Variants in CADM2 observed in about 807,000 individuals in gnomAD.
CADM2 encodes immunoglobulin superfamily member 4D.
Under a neutral mutation model 49.8 loss-of-function variants are expected in CADM2, and 12 were observed. The ratio of observed to expected loss-of-function variants is 0.24; its 90% confidence interval spans 0.15 to 0.39. The LOEUF is 0.39. Ranked by LOEUF, CADM2 falls within the 10% of genes least tolerant of loss-of-function variation. The pLI is 1.00. For synonymous variants in CADM2, 214 were observed against 175.4 expected (o/e 1.22, Z -1.74); for missense variants, 378 against 492.3 (o/e 0.77, Z 2.20).
At chr3:84,961,335 TTG>T (rs1343185849) in intron 1 of CADM2, among the ~76,000 whole-genome samples, 1 of 152,210 alleles carries the variant, frequency 6.6e-6, no homozygotes, top group East Asian at 1.9e-4. Context: ...CTAACTGACC[TTG>T]TAGAGATCTT....
intron 2 of CADM2, among the ~76,000 whole-genome samples, chr3:85,796,333 C>A (rs1577329193): frequency 6.6e-6 from 1 of 152,068 alleles, no homozygotes; most frequent in Non-Finnish European, 1.5e-5. Context: ...ATCATGTTTT[C>A]TCTGATGTGG....
At chr3:85,375,025 A>G (rs1446470566) in intron 1 of CADM2, among the ~76,000 whole-genome samples, 1 of 152,170 alleles carries the variant, frequency 6.6e-6, no homozygotes, top group Non-Finnish European at 1.5e-5. Context: ...CACACACTTC[A>G]ATCATTTATT....
chr3:85,809,544 T>C (rs1056411677), intron 3 of CADM2, among the ~76,000 whole-genome samples: 2 of 151,958 alleles, frequency 1.3e-5, no homozygotes, highest in African/African-American at 2.4e-5. Flanking sequence ...TGAACCAATA[T>C]AGCCTGGGCA....
chr3:85,627,681 C>T (rs1258661758), intron 1 of CADM2, among the ~76,000 whole-genome samples: 2 of 151,778 alleles, frequency 1.3e-5, no homozygotes, highest in East Asian at 3.9e-4. Flanking sequence ...AAATTTGATG[C>T]ACAAGAAAGA....
At chr3:85,220,449 C>T (rs2042019557) in intron 1 of CADM2, among the ~76,000 whole-genome samples, 1 of 151,998 alleles carries the variant, frequency 6.6e-6, no homozygotes, top group South Asian at 2.1e-4. Flanking sequence ...AAGTGAAAAA[C>T]TCAATTCATT....
At position 85,012,074 on chromosome 3, in the gene CADM2, G is replaced by GT. The variant is rs1193075907; in HGVS notation, c.61+52418dup. Among the ~76,000 whole-genome samples the GT allele has an allele frequency of 3.1e-3, 444 of 143,614 alleles. 2 individuals are homozygous for GT. Among genetic ancestry groups the GT allele is most frequent in the African/African-American group, 3.6e-3 (144 of 39,496 alleles). The allele number at this position is 143,614 out of a possible 152,430, so 94.2% of individuals were successfully genotyped here. On this transcript the variant is annotated intron_variant, in intron 1 of 9. Transcript: ENST00000383699. Reference sequence around the variant, plus strand: ...TTGAGATATAATGGCGAAGGGCCTGGTTTTTTTTTTTTCTTTCATATTTTA... The same window carrying GT: ...TTGAGATATAATGGCGAAGGGCCTGGTTTTTTTTTTTTTCTTTCATATTTTA...
At chr3:85,646,906 T>G (rs2107569487) in intron 1 of CADM2, among the ~76,000 whole-genome samples, 1 of 152,070 alleles carries the variant, frequency 6.6e-6, no homozygotes, top group East Asian at 1.9e-4. Flanking sequence ...CTTTATATCC[T>G]TGGCCTGTGG....
At chr3:85,285,140 T>C (rs2043602511) in intron 1 of CADM2, among the ~76,000 whole-genome samples, 1 of 152,150 alleles carries the variant, frequency 6.6e-6, no homozygotes, top group Non-Finnish European at 1.5e-5. Flanking sequence ...TGCTATTTAC[T>C]GGCAATTGGA....
chr3:84,982,205 C>T (rs1393118413), intron 1 of CADM2, among the ~76,000 whole-genome samples: 1 of 151,996 alleles, frequency 6.6e-6, no homozygotes, highest in Non-Finnish European at 1.5e-5. Context: ...ATTCTTTTTA[C>T]GGTTCATCTT....
intron 3 of CADM2, among the ~76,000 whole-genome samples, chr3:85,866,675 T>C (rs969130727): frequency 5.9e-5 from 9 of 151,792 alleles, no homozygotes; most frequent in Admixed American, 2.6e-4. Flanking sequence ...TAATAATTTA[T>C]GTATTTGAAA....
At chr3:85,919,603 C>A (rs1484718515) in intron 6 of CADM2, among the ~76,000 whole-genome samples, 4 of 151,828 alleles carry the variant, frequency 2.6e-5, no homozygotes, top group Admixed American at 2.0e-4. Context: ...ATGATTATAT[C>A]TCTATTCTAG....
intron 1 of CADM2, among the ~76,000 whole-genome samples, chr3:85,695,673 G>A (rs1327584892): frequency 6.6e-6 from 1 of 151,858 alleles, no homozygotes; most frequent in East Asian, 1.9e-4. Flanking sequence ...TGGGAACTTA[G>A]GCTGATTCTG....
chr3:85,941,916 A>G (rs1460421106), intron 7 of CADM2, among the ~76,000 whole-genome samples: 4 of 152,122 alleles, frequency 2.6e-5, no homozygotes, highest in Non-Finnish European at 4.4e-5. Flanking sequence ...TTTAATTTAA[A>G]TCACACAACT....
intron 1 of CADM2, among the ~76,000 whole-genome samples, chr3:85,633,883 G>A (rs1018639936): frequency 2.6e-5 from 4 of 151,960 alleles, no homozygotes; most frequent in East Asian, 3.8e-4. Flanking sequence ...AGAGTATGAC[G>A]AAGCAGTTAA....
intron 1 of CADM2, among the ~76,000 whole-genome samples, chr3:85,504,432 G>T (rs2040236728): frequency 6.6e-6 from 1 of 152,340 alleles, no homozygotes; most frequent in Middle Eastern, 3.4e-3. Context: ...GACCGGAGCG[G>T]GTTGTCACTG....
chr3:85,553,099 A>G (rs2061855000), intron 1 of CADM2, among the ~76,000 whole-genome samples: 2 of 152,326 alleles, frequency 1.3e-5, no homozygotes, highest in South Asian at 4.1e-4. Flanking sequence ...ATTCACCAGA[A>G]TAATTAAATA....
At chr3:86,052,016 A>C (rs1317876328) in intron 8 of CADM2, among the ~76,000 whole-genome samples, 2 of 152,198 alleles carry the variant, frequency 1.3e-5, no homozygotes, top group Non-Finnish European at 2.9e-5. Flanking sequence ...TTTGTAAGAC[A>C]GTTCGAACCC....
chr3:85,081,374 T>C lies in CADM2; in HGVS notation c.61+121706T>C, dbSNP rs1300729980. Among the ~76,000 whole-genome samples, 5 of 152,280 alleles carry C rather than the reference T, an allele frequency of 3.3e-5. No homozygotes were observed. In the East Asian group the frequency reaches 9.7e-4, roughly 29 times the overall value. On this transcript the variant is annotated intron_variant, in intron 1 of 9. Transcript: ENST00000383699. ...TAAAACTGCTCAGAGCGCATATGAC[T>C]TGGTAGAGACATAATATGAAGCAAC...
chr3:85,676,452 T>C (rs1440730259), intron 1 of CADM2, among the ~76,000 whole-genome samples: 2 of 152,182 alleles, frequency 1.3e-5, no homozygotes, highest in East Asian at 1.9e-4. Flanking sequence ...AAAATTTGAA[T>C]GCTGTCCTTT....
Sources: gnomAD v4.1 joint callset for allele counts (sites outside exome capture counted in the v4.1 genomes callset) on GRCh38, gnomAD v4.1.1 for gene constraint, MANE v1.5 for transcripts, NCBI Gene and HGNC (gene_info 2026-07-23, HGNC 2026-07-21) for gene names.